The following MAGI1 variants were observed in gnomAD, a reference collection of about 807,000 sequenced individuals.
The protein encoded by MAGI1 is membrane-associated guanylate kinase, WW and PDZ domain-containing protein 1.
In MAGI1, 58 loss-of-function variants were observed where a neutral mutation model predicts 139.9. The ratio of observed to expected loss-of-function variants is 0.41; its 90% CI spans 0.34 to 0.52. The LOEUF is 0.52. MAGI1 is among the 20% of genes least tolerant of loss of function. MAGI1 has a pLI of 0.12. For missense variants in MAGI1, 1,874 were observed against 1,901.6 expected (o/e 0.99, Z 0.27); for synonymous variants, 812 against 737.9 (o/e 1.10, Z -1.63).
chr3:65,860,551 C>T (rs1021688093), intron 1 of MAGI1, among the ~76,000 whole-genome samples: 2 of 152,158 alleles, frequency 1.3e-5, no homozygotes, highest in Non-Finnish European at 2.9e-5. Flanking sequence ...AACAGGTCCT[C>T]GGAGTGTGCT....
Position 65,383,640 on chromosome 3 carries a change from A to G in MAGI1, c.2417-17T>C, listed in dbSNP as rs1339141496. On this transcript the variant is annotated splice_polypyrimidine_tract_variant and intron_variant, in intron 14 of 22. Coordinates refer to ENST00000402939, the MANE Select transcript of MAGI1 (RefSeq NM_001033057.2). ...AATCTGGAACTGCAGAGAGGGGAGA[A>G]AAAAGAGAAGGATTATTTTACTGAT... 1 of 1,481,210 alleles carries G rather than the reference A, an allele frequency of 6.8e-7. No homozygotes were observed. The highest frequency in any genetic ancestry group is 9.4e-7 in the Non-Finnish European group (1 of 1,058,766). 91.8% of individuals were successfully genotyped at this position (1,481,210 alleles called of 1,614,324 possible). A position where few individuals can be genotyped will look rare whatever the true frequency, so the allele number is the denominator to read the frequency against.
intron 1 of MAGI1, among the ~76,000 whole-genome samples, chr3:65,662,853 T>C (rs1351431712): frequency 4.6e-5 from 7 of 152,198 alleles, no homozygotes; most frequent in Admixed American, 2.6e-4. Context: ...ATCTCTATTC[T>C]GCCCCAACTC....
At chr3:65,755,572 A>G (rs2107844822) in intron 1 of MAGI1, among the ~76,000 whole-genome samples, 1 of 152,330 alleles carries the variant, frequency 6.6e-6, no homozygotes, top group East Asian at 1.9e-4. Context: ...ATCAAGTGGT[A>G]GGAATTTACA....
intron 2 of MAGI1, among the ~76,000 whole-genome samples, chr3:65,592,213 A>T (rs913293872): frequency 6.6e-6 from 1 of 152,222 alleles, no homozygotes; most frequent in Non-Finnish European, 1.5e-5. Flanking sequence ...CAGCCCTAGC[A>T]CATAGCAACC....
intron 12 of MAGI1, among the ~76,000 whole-genome samples, chr3:65,427,508 T>C (rs905432330): frequency 2.0e-5 from 3 of 152,082 alleles, no homozygotes; most frequent in Admixed American, 6.6e-5. Context: ...AGAAAGAGGA[T>C]AGATGAGTTA....
chr3:65,493,984 A>T (rs1223893371), intron 2 of MAGI1, among the ~76,000 whole-genome samples: 1 of 152,236 alleles, frequency 6.6e-6, no homozygotes, highest in Admixed American at 6.5e-5. Flanking sequence ...CGACTCCAGT[A>T]AATACTAAAA....
intron 2 of MAGI1, among the ~76,000 whole-genome samples, chr3:65,601,729 TAA>T (rs74854395): frequency 3.4e-5 from 5 of 149,130 alleles, no homozygotes; most frequent in African/African-American, 1.2e-4. Flanking sequence ...AAAGCACAAA[TAA>T]AAAAAAAACA....
chr3:65,773,096 A>C (rs1559868169), intron 1 of MAGI1, among the ~76,000 whole-genome samples: 1 of 152,196 alleles, frequency 6.6e-6, no homozygotes, highest in Non-Finnish European at 1.5e-5. Flanking sequence ...GTAAGAAATA[A>C]ATGAAATCAT....
intron 1 of MAGI1, among the ~76,000 whole-genome samples, chr3:65,795,780 A>T (rs965070329): frequency 6.6e-6 from 1 of 151,370 alleles, no homozygotes; most frequent in Admixed American, 6.6e-5. Flanking sequence ...GAGGGGTGTG[A>T]TGGCTCATGT....
chr3:65,560,192 A>C (rs1165005861), intron 2 of MAGI1, among the ~76,000 whole-genome samples: 1 of 152,222 alleles, frequency 6.6e-6, no homozygotes, highest in African/African-American at 2.4e-5. Flanking sequence ...TCCCTGGTAC[A>C]TATCAGTGTT....
chr3:65,980,225 C>T (rs2065495789), intron 1 of MAGI1, among the ~76,000 whole-genome samples: 1 of 152,128 alleles, frequency 6.6e-6, no homozygotes, highest in Non-Finnish European at 1.5e-5. Context: ...CTAAGCCATA[C>T]TTTTGGAGAT....
chr3:65,543,758 G>T (rs138626079), intron 2 of MAGI1, among the ~76,000 whole-genome samples: 3 of 151,912 alleles, frequency 2.0e-5, no homozygotes, highest in South Asian at 2.1e-4. Context: ...TCAGGGATGG[G>T]GGGGGGTACA....
intron 22 of MAGI1, chr3:65,360,025 C>T: frequency 1.0e-6 from 1 of 985,372 alleles, no homozygotes; most frequent in Non-Finnish European, 1.2e-6. Context: ...TTGGCCATGT[C>T]TATAGGGGCC....
chr3:65,601,573 T>C (rs2082483715), intron 2 of MAGI1, among the ~76,000 whole-genome samples: 1 of 152,062 alleles, frequency 6.6e-6, no homozygotes, highest in Non-Finnish European at 1.5e-5. Context: ...CAACTGGATA[T>C]CCACATGCAA....
intron 1 of MAGI1, among the ~76,000 whole-genome samples, chr3:65,980,089 T>C (rs1188580659): frequency 1.3e-5 from 2 of 152,162 alleles, no homozygotes; most frequent in African/African-American, 4.8e-5. Flanking sequence ...GGATTAATTA[T>C]ACAAGCAAAC....
At chr3:65,993,125 C>G (rs768372885) in intron 1 of MAGI1, among the ~76,000 whole-genome samples, 2 of 152,190 alleles carry the variant, frequency 1.3e-5, no homozygotes, top group Non-Finnish European at 2.9e-5. Context: ...GGCTTCATTA[C>G]AGCTTTATTT....
rs959098440 is a variant in MAGI1 at position 65,781,347 on chromosome 3, C to A, written c.314-159259G>T. 1.3e-4 allele frequency among the ~76,000 whole-genome samples: 20 copies of A among 152,184 alleles called. 1 individual carries two copies. Among genetic ancestry groups the A allele is most frequent in the African/African-American group, 4.8e-4 (20 of 41,434 alleles). On this transcript the variant is annotated intron_variant, in intron 1 of 22. Coordinates refer to ENST00000402939, the MANE Select transcript of MAGI1 (RefSeq NM_001033057.2). ...ACTTACATGTGCTAGGCAGTAGTTG[C>A]TAATGGCTCCATTTGATCATCTGAA...
At chr3:65,516,625 TC>T (rs2077894218) in intron 2 of MAGI1, among the ~76,000 whole-genome samples, 1 of 151,532 alleles carries the variant, frequency 6.6e-6, no homozygotes, top group Admixed American at 6.6e-5. Context: ...TACTCTCTTT[TC>T]CCCTAAAACC....
At chr3:65,970,196 G>A (rs766584858) in intron 1 of MAGI1, among the ~76,000 whole-genome samples, 61 of 152,180 alleles carry the variant, frequency 4.0e-4, no homozygotes, top group Non-Finnish European at 7.5e-4. Flanking sequence ...GCTACAACGT[G>A]AATAACCTTG....
Sources: gnomAD v4.1 joint callset for allele counts (sites outside exome capture counted in the v4.1 genomes callset) on GRCh38, gnomAD v4.1.1 for gene constraint, MANE v1.5 for transcripts, NCBI Gene and HGNC (gene_info 2026-07-23, HGNC 2026-07-21) for gene names.